ABCA12: variants seen among roughly 807,000 people sequenced by gnomAD.
The protein encoded by ABCA12 is glucosylceramide transporter ABCA12.
ABCA12 carries 156 observed loss-of-function variants against 293.5 expected under a neutral mutation model. The ratio of observed to expected loss-of-function variants is 0.53; its 90% confidence interval spans 0.47 to 0.61. ABCA12 has a LOEUF of 0.61. Among genes scored for constraint, ABCA12 ranks in the 20% least tolerant of loss-of-function variants. The pLI is 0.00. For missense variants in ABCA12, 2,797 were observed against 3,090.2 expected (o/e 0.91, Z 2.25); for synonymous variants, 1,063 against 1,108.0 (o/e 0.96, Z 0.81).
At chr2:214,999,539 A>G (rs1272026057) in intron 22 of ABCA12, among the ~76,000 whole-genome samples, 1 of 152,262 alleles carries the variant, frequency 6.6e-6, no homozygotes, top group Non-Finnish European at 1.5e-5. Flanking sequence ...TGTGTAAGGC[A>G]TAATGAACAT....
intron 14 of ABCA12, among the ~76,000 whole-genome samples, 193 bp from the exon 15 acceptor site, chr2:215,015,856 G>A (rs930775793): frequency 9.2e-5 from 14 of 152,174 alleles, no homozygotes; most frequent in African/African-American, 3.4e-4. Context: ...TAAGAAATAA[G>A]ATGGGAGGCC....
At chr2:215,100,977 G>A (rs904802362) in intron 2 of ABCA12, among the ~76,000 whole-genome samples, 6 of 152,158 alleles carry the variant, frequency 3.9e-5, no homozygotes, top group Admixed American at 3.3e-4. Flanking sequence ...TTGTGAACAC[G>A]TCCTTCTTTA....
intron 2 of ABCA12, among the ~76,000 whole-genome samples, chr2:215,069,554 A>G (rs1701697786): frequency 6.6e-6 from 1 of 152,204 alleles, no homozygotes. Context: ...ATTGTAAATG[A>G]TATAAACTTG....
chr2:214,989,187 CATATATAT>C (rs71399168), intron 26 of ABCA12, 134 bp downstream of exon 26: 2,008 of 28,152 alleles, frequency 0.071, 174 homozygotes, highest in African/African-American at 0.12. Context: ...TCAATACATA[CATATATAT>C]ATATATATAT....
rs200584463 is a variant in ABCA12 at position 214,954,039 on chromosome 2, G to A, written c.6462C>T (p.Tyr2154=). ...FLIFPQFCFG[Y]GLIELSQQQS... is the part of the protein sequence containing the mutation. ...GTTGTTGAGAAAGTTCAATCAAACC[G>A]TAGCCAAAACAGAATTGTGGGAAAA... The change falls in exon 44 of 53, where the codon TAC becomes TAT. Residue 2154 remains tyrosine (Y), a synonymous_variant. Coordinates refer to ENST00000272895, the MANE Select transcript of ABCA12 (RefSeq NM_173076.3). The A allele has an allele frequency of 2.3e-4, 372 of 1,613,982 alleles. 2 individuals are homozygous for A. The South Asian group carries it at 3.3e-3, about 14-fold the overall frequency.
chr2:215,087,067 C>T (rs1454758005), intron 2 of ABCA12, among the ~76,000 whole-genome samples: 1 of 152,082 alleles, frequency 6.6e-6, no homozygotes, highest in Non-Finnish European at 1.5e-5. Flanking sequence ...CTCAGCTTCC[C>T]AAGTAGCTGG....
intron 2 of ABCA12, chr2:215,075,760 T>A: frequency 1.9e-6 from 1 of 534,682 alleles, no homozygotes; most frequent in Non-Finnish European, 3.3e-6. Flanking sequence ...TAGAGGTATG[T>A]TACTAACAAC....
intron 5 of ABCA12, among the ~76,000 whole-genome samples, chr2:215,050,998 T>C (rs996698868): frequency 1.2e-4 from 18 of 152,164 alleles, no homozygotes; most frequent in African/African-American, 3.9e-4. Context: ...TATAGCTCTG[T>C]GCTGCCTCAC....
rs1700886927 is a variant in ABCA12 at position 215,031,916 on chromosome 2, A to G, written c.986-20T>C. On this transcript the variant is annotated intron_variant, in intron 8 of 52. Coordinates refer to ENST00000272895, the MANE Select transcript of ABCA12 (RefSeq NM_173076.3). ...AGTCACCTGAAGTAATAATTTTTAT[A>G]TAGGTAAACATTTAACATGTTTGCT... The G allele has an allele frequency of 6.2e-7, 1 of 1,613,050 alleles. No homozygotes were observed. The highest frequency in any genetic ancestry group is 2.2e-5 in the East Asian group (1 of 44,850).
intron 26 of ABCA12, 142 bp downstream of exon 26, chr2:214,989,187 C>CAT (rs71399168): frequency 0.024 from 671 of 28,144 alleles, 68 homozygotes; most frequent in African/African-American, 0.039. Context: ...TCAATACATA[C>CAT]ATATATATAT....
At chr2:214,983,493 A>T (rs993697095) in intron 29 of ABCA12, among the ~76,000 whole-genome samples, 154 bp downstream of exon 29, 1 of 152,186 alleles carries the variant, frequency 6.6e-6, no homozygotes, top group Non-Finnish European at 1.5e-5. Flanking sequence ...AATGACCTTA[A>T]ATGTTTGCAA....
intron 5 of ABCA12, among the ~76,000 whole-genome samples, chr2:215,051,833 A>C (rs188910340): frequency 6.6e-6 from 1 of 152,218 alleles, no homozygotes; most frequent in East Asian, 1.9e-4. Flanking sequence ...AAAGACAATA[A>C]GGGGAAGTAG....
chr2:215,014,150 C>T (rs1360878298), intron 15 of ABCA12, among the ~76,000 whole-genome samples: 1 of 149,238 alleles, frequency 6.7e-6, no homozygotes, highest in Non-Finnish European at 1.5e-5. Context: ...AACTGCGCTC[C>T]AGTCTGGGTG....
At chr2:214,978,720 T>G (rs1160366863) in intron 32 of ABCA12, 84 bp downstream of exon 32, 1 of 1,465,704 alleles carries the variant, frequency 6.8e-7, no homozygotes, top group Non-Finnish European at 9.5e-7. Context: ...TTTAAAAATT[T>G]TTTTAGAAAA....
intron 7 of ABCA12, among the ~76,000 whole-genome samples, chr2:215,043,237 G>A (rs1701136827): frequency 6.6e-6 from 1 of 152,108 alleles, no homozygotes; most frequent in African/African-American, 2.4e-5. Context: ...TATCTATTCA[G>A]ATCTTTTGTC....
intron 1 of ABCA12, among the ~76,000 whole-genome samples, chr2:215,134,628 GAGAGAGAGAGAGACAAAC>G (rs1703168611): frequency 8.1e-6 from 1 of 123,920 alleles, no homozygotes; most frequent in African/African-American, 3.9e-5. Context: ...GAGAGAGAGA[GAGAGAGAGAGAGACAAAC>G]AGAGAGAGAG....
intron 39 of ABCA12, chr2:214,962,882 G>C (rs1166258344): frequency 6.6e-6 from 1 of 152,078 alleles, no homozygotes; most frequent in East Asian, 1.9e-4. Flanking sequence ...GAGAAAAAGA[G>C]AGAATGTACC....
At chr2:214,935,633 C>CA (rs1574918306) in intron 51 of ABCA12, among the ~76,000 whole-genome samples, 2 of 151,912 alleles carry the variant, frequency 1.3e-5, no homozygotes, top group Admixed American at 6.6e-5. Context: ...TCTGTCTCTA[C>CA]AAAAAATCCA....
intron 1 of ABCA12, among the ~76,000 whole-genome samples, chr2:215,136,084 G>A (rs778079930): frequency 1.3e-5 from 2 of 152,200 alleles, no homozygotes; most frequent in Non-Finnish European, 1.5e-5. Flanking sequence ...TCACTCTGCC[G>A]TGAAGACTTA....
Sources: allele counts gnomAD v4.1 joint callset (sites outside exome capture counted in the v4.1 genomes callset), GRCh38; gene constraint gnomAD v4.1.1; transcripts MANE v1.5; gene names NCBI Gene and HGNC (gene_info 2026-07-23, HGNC 2026-07-21).